Variants in ASXL3 observed in about 807,000 individuals in gnomAD.
ASXL3 encodes the protein putative Polycomb group protein ASXL3.
ASXL3 carries 34 observed loss-of-function variants against 170.6 expected under a neutral mutation model. That is an observed-to-expected ratio of 0.20 (90% CI 0.15 to 0.27). The LOEUF (loss-of-function observed/expected upper bound fraction) is 0.27. ASXL3 is among the 10% of genes least tolerant of loss of function. The probability of loss-of-function intolerance (pLI) is 1.00; values close to 1 mark genes in which losing one functional copy is unlikely to be tolerated. For synonymous variants in ASXL3, 1,002 were observed against 989.1 expected (o/e 1.01, Z -0.24); for missense variants, 2,592 against 2,695.3 (o/e 0.96, Z 0.85).
rs754973274 is a variant in ASXL3 at position 33,743,429 on chromosome 18, C to G, written c.3581C>G (p.Thr1194Ser). 6.2e-7 allele frequency: 1 copy of G among 1,613,304 alleles called. No homozygotes were observed. The highest frequency in any genetic ancestry group is 8.5e-7 in the Non-Finnish European group (1 of 1,179,872). ...CTTAACCCAAGTAAACTTCCAGAAA[C>G]TGCCACTGACTTATCTGTGCATAGT... ...QSLNPSKLPE[T>S]ATDLSVHSSD... is the part of the protein sequence containing the mutation. Residue 1194 changes from threonine (T) to serine (S), a missense_variant, in exon 12 of 12, where the codon ACT (threonine) becomes AGT (serine). This residue lies in a region of ASXL3 where 2,246 missense variants were observed against 2,219.6 expected (regional missense o/e 1.01). Transcript: ENST00000269197.
At chr18:33,648,015 C>T (rs1186480722) in intron 4 of ASXL3, among the ~76,000 whole-genome samples, 3 of 151,974 alleles carry the variant, frequency 2.0e-5, no homozygotes, top group African/African-American at 7.2e-5. Flanking sequence ...TAGCAAGAGG[C>T]TGGTGTGGCT....
At chr18:33,659,809 T>TA (rs1045781606) in intron 4 of ASXL3, among the ~76,000 whole-genome samples, 95 of 152,172 alleles carry the variant, frequency 6.2e-4, no homozygotes, top group African/African-American at 2.2e-3. Context: ...TCATATTAAG[T>TA]AAAAAAAGTC....
rs1477117937 is a variant in ASXL3, at chr18:33,747,736, T to C, written c.*1141T>C. The stretch of plus-strand genomic sequence containing the variant: ...TATAATTCAACTTTGAAATAACCCT[T>C]ATTTTGAAAAAAACTGTTCTAGGTA... On this transcript the variant is annotated 3_prime_UTR_variant, in exon 12 of 12. Coordinates refer to ENST00000269197, the MANE Select transcript of ASXL3 (RefSeq NM_030632.3). 1 of 152,156 alleles carries C rather than the reference T, an allele frequency of 6.6e-6. No individual in the cohort carries two copies. Among genetic ancestry groups the C allele is most frequent in the African/African-American group, 2.4e-5 (1 of 41,438 alleles). 9.4% of individuals were successfully genotyped at this position (152,156 alleles called of 1,614,324 possible). A position where few individuals can be genotyped will look rare whatever the true frequency, so the allele number is the denominator to read the frequency against.
chr18:33,622,531 A>G (rs1015991963), intron 2 of ASXL3, among the ~76,000 whole-genome samples: 2 of 152,168 alleles, frequency 1.3e-5, no homozygotes, highest in African/African-American at 2.4e-5. Context: ...GAGTCCCAAA[A>G]TTTAAATGAC....
rs750655781 is a variant in ASXL3, at chr18:33,745,092, G to T, written c.5244G>T (p.Pro1748=). The change falls in exon 12 of 12, where the codon CCG becomes CCT. Residue 1748 remains proline (P), a synonymous_variant. Transcript: ENST00000269197. The part of the protein sequence containing the change: ...CRLSSVEANN[P]LVTQLLQGNL... ...TGTCCTCTGTGGAGGCTAACAATCC[G>T]CTGGTGACGCAGTTACTACAGGGCA... 7 of 1,613,972 alleles carry T rather than the reference G, an allele frequency of 4.3e-6. No homozygotes were observed. The highest frequency in any genetic ancestry group is 3.3e-5 in the Admixed American group (2 of 60,030).
rs532920402 is a variant in ASXL3, at chr18:33,638,729, C to A, written c.138-6165C>A. 9.1e-4 allele frequency among the ~76,000 whole-genome samples: 138 copies of A among 152,262 alleles called. 1 individual carries two copies. In the Middle Eastern group the frequency reaches 0.01, roughly 11 times the overall value. On this transcript the variant is annotated intron_variant, in intron 2 of 11. Coordinates refer to ENST00000269197, the MANE Select transcript of ASXL3 (RefSeq NM_030632.3). ...TCTGTAAGATTCCTCATCTCTGAATCTCAGTCATGTCTATAAAACTGGGAA... is the reference window on the plus strand; with the variant it reads ...TCTGTAAGATTCCTCATCTCTGAATATCAGTCATGTCTATAAAACTGGGAA...
chr18:33,583,146 T>C (rs1008742558), intron 1 of ASXL3, among the ~76,000 whole-genome samples: 1 of 152,144 alleles, frequency 6.6e-6, no homozygotes, highest in Non-Finnish European at 1.5e-5. Context: ...GAAATAAATA[T>C]AATTTTTTAG....
In ASXL3 at chr18:33,578,991, C is replaced by T. The variant is rs116955773; in HGVS notation, c.54+306C>T. Reference sequence around the variant, plus strand: ...CTCCACGGGTGAATTTCCGAGCGCTCGGCGCAGCTCGACTTCCCTCTCTGC... The same window carrying T: ...CTCCACGGGTGAATTTCCGAGCGCTTGGCGCAGCTCGACTTCCCTCTCTGC... On this transcript the variant is annotated intron_variant, in intron 1 of 11. Coordinates refer to ENST00000269197, the MANE Select transcript of ASXL3 (RefSeq NM_030632.3). The T allele has an allele frequency of 0.055, 9,638 of 174,394 alleles. 339 individuals carry two copies. The highest frequency in any genetic ancestry group is 0.078 in the East Asian group (473 of 6,100). The allele number at this position is 174,394 out of a possible 1,614,324, so 10.8% of individuals were successfully genotyped here.
intron 5 of ASXL3, among the ~76,000 whole-genome samples, chr18:33,670,240 C>T (rs1332702233): frequency 2.0e-5 from 3 of 152,236 alleles, no homozygotes; most frequent in Non-Finnish European, 2.9e-5. Context: ...TGATGACACT[C>T]AGTGTTAACT....
chr18:33,738,941 C>T lies in ASXL3; in HGVS notation c.1537C>T (p.Pro513Ser). The T allele has an allele frequency of 6.2e-7, 1 of 1,613,506 alleles. No individual in the cohort carries two copies. Among genetic ancestry groups the T allele is most frequent in the Non-Finnish European group, 8.5e-7 (1 of 1,179,700 alleles). Residue 513 changes from proline (P) to serine (S), a missense_variant, in exon 11 of 12, where the codon CCT becomes TCT. Around this residue, in one of 4 missense-constraint regions of ASXL3, gnomAD observed 2,246 missense variants for 2,219.6 expected, o/e 1.01. Coordinates refer to ENST00000269197, the MANE Select transcript of ASXL3 (RefSeq NM_030632.3). Reference sequence around the variant, plus strand: ...GATGAATGATGTTTTAGAAACTTTGCCTCATATTGAAGTTAAGATAGAAGG... The same window carrying T: ...GATGAATGATGTTTTAGAAACTTTGTCTCATATTGAAGTTAAGATAGAAGG... ...VMMNDVLETL[P>S]HIEVKIEGKS...
At chr18:33,642,285 A>G (rs540481456) in intron 2 of ASXL3, among the ~76,000 whole-genome samples, 1 of 152,176 alleles carries the variant, frequency 6.6e-6, no homozygotes, top group African/African-American at 2.4e-5. Flanking sequence ...AGGAAATGGT[A>G]TGAAATGTTT....
At chr18:33,686,951 G>A (rs2066606486) in intron 8 of ASXL3, among the ~76,000 whole-genome samples, 1 of 152,166 alleles carries the variant, frequency 6.6e-6, no homozygotes, top group African/African-American at 2.4e-5. Context: ...CAGAGAGGCT[G>A]GTTAGGAGAC....
intron 1 of ASXL3, among the ~76,000 whole-genome samples, chr18:33,582,146 C>A (rs2064998609): frequency 6.6e-6 from 1 of 152,162 alleles, no homozygotes; most frequent in South Asian, 2.1e-4. Context: ...ATGGAAGTAT[C>A]TTCTGTCTTA....
At chr18:33,631,932 A>G (rs1043868458) in intron 2 of ASXL3, among the ~76,000 whole-genome samples, 7 of 152,188 alleles carry the variant, frequency 4.6e-5, no homozygotes, top group African/African-American at 1.7e-4. Context: ...GTTATTCAGC[A>G]TTTAAATAAA....
rs370777714 is a variant in ASXL3, at chr18:33,745,233, C to T, written c.5385C>T (p.Asn1795=). 9.9e-5 allele frequency: 160 copies of T among 1,613,996 alleles called. No individual in the cohort carries two copies. Among genetic ancestry groups the T allele is most frequent in the South Asian group, 7.1e-4 (65 of 91,084 alleles). Residue 1795 remains asparagine (N), a synonymous_variant, in exon 12 of 12, where the codon AAC becomes AAT. Transcript: ENST00000269197. ...TSVGKTAPER[N]VEIPPSSPNP... is the part of the protein sequence containing the mutation. Reference sequence around the variant, plus strand: ...TGGGTAAAACAGCACCAGAGAGAAACGTTGAAATTCCGCCCAGCTCTCCAA... The same window carrying T: ...TGGGTAAAACAGCACCAGAGAGAAATGTTGAAATTCCGCCCAGCTCTCCAA...
In ASXL3 at chr18:33,721,516, TCA is replaced by T. The variant is rs1440476902; in HGVS notation, c.880-10449_880-10448del. 3.3e-5 allele frequency among the ~76,000 whole-genome samples: 5 copies of T among 152,150 alleles called. No homozygotes were observed. In the East Asian group the frequency reaches 9.7e-4, roughly 29 times the overall value. On this transcript the variant is annotated intron_variant, in intron 8 of 11. Coordinates refer to ENST00000269197, the MANE Select transcript of ASXL3 (RefSeq NM_030632.3). ...ATAGAGATGTACATACATACACATA[TCA>T]CAAAAGCAGTAAGTAGTAGAAAAAG...
At chr18:33,725,369 A>G (rs747281189) in intron 8 of ASXL3, among the ~76,000 whole-genome samples, 5 of 152,154 alleles carry the variant, frequency 3.3e-5, no homozygotes, top group Non-Finnish European at 7.4e-5. Context: ...CACCTTCTGC[A>G]AACACATTCT....
intron 7 of ASXL3, among the ~76,000 whole-genome samples, chr18:33,672,180 C>T (rs1442111440): frequency 1.3e-5 from 2 of 152,062 alleles, no homozygotes; most frequent in Non-Finnish European, 2.9e-5. Flanking sequence ...TTTGTCTGTG[C>T]AACTAGGTTT....
chr18:33,597,609 G>A (rs182340024), intron 1 of ASXL3, among the ~76,000 whole-genome samples: 5 of 152,106 alleles, frequency 3.3e-5, no homozygotes, highest in Non-Finnish European at 5.9e-5. Context: ...CATTGTAATA[G>A]TACTGTTAAA....
Sources: gnomAD v4.1 joint callset for allele counts (sites outside exome capture counted in the v4.1 genomes callset) on GRCh38, gnomAD v4.1.1 for gene constraint, gnomAD v4.1.1 regional missense constraint, MANE v1.5 for transcripts, NCBI Gene and HGNC (gene_info 2026-07-23, HGNC 2026-07-21) for gene names.